Variants in MICALL1 observed in about 807,000 individuals in gnomAD.
MICALL1 encodes MICAL like 1.
In MICALL1, 61 loss-of-function variants were observed where a neutral mutation model predicts 83.7. That is an observed-to-expected ratio of 0.73 (90% CI 0.59 to 0.90). The LOEUF (loss-of-function observed/expected upper bound fraction) is 0.90. MICALL1 is among the 40% of genes least tolerant of loss of function. MICALL1 has a pLI of 0.00. For synonymous variants in MICALL1, 481 were observed against 473.6 expected (o/e 1.02, Z -0.20); for missense variants, 1,066 against 1,152.0 (o/e 0.93, Z 1.08).
At chr22:37,927,195 C>A in intron 8 of MICALL1, 1 of 545,522 alleles carries the variant, frequency 1.8e-6, no homozygotes, top group Non-Finnish European at 3.2e-6. Flanking sequence ...GCAGGCAGAA[C>A]GCAAGGCGGG....
intron 1 of MICALL1, among the ~76,000 whole-genome samples, chr22:37,911,591 A>G (rs528374497): frequency 6.6e-6 from 1 of 152,296 alleles, no homozygotes; most frequent in East Asian, 1.9e-4. Flanking sequence ...TGCGGGTCTT[A>G]GTTATGTCTT....
chr22:37,940,401 C>T (rs898292104), intron 15 of MICALL1, among the ~76,000 whole-genome samples: 4 of 151,744 alleles, frequency 2.6e-5, no homozygotes, highest in African/African-American at 4.8e-5. Context: ...CCAGCCTGGG[C>T]GACAAAGCGA....
rs746561776 is a variant in MICALL1, at chr22:37,940,770, G to T, written c.2532G>T (p.Met844Ile). The T allele has an allele frequency of 1.2e-6, 2 of 1,614,178 alleles. No homozygotes were observed. The highest frequency in any genetic ancestry group is 8.5e-7 in the Non-Finnish European group (1 of 1,180,010). ...AGGGGAAGTTCAAGACCATGAAGAT[G>T]TTGAAACTGCTAGGAAACAAACGTG... The part of the protein sequence containing the change: ...KKKGKFKTMK[M>I]LKLLGNKRDA... The change falls in exon 16 of 16, where the codon ATG becomes ATT. Residue 844 changes from methionine to isoleucine, a missense_variant. Coordinates refer to ENST00000215957, the MANE Select transcript of MICALL1 (RefSeq NM_033386.4).
At chr22:37,922,515 C>T (rs1929116529) in intron 6 of MICALL1, 89 bp downstream of exon 6, 5 of 1,003,800 alleles carry the variant, frequency 5.0e-6, no homozygotes, top group Non-Finnish European at 7.1e-6. Context: ...TTGGTGGGCC[C>T]CTCTCCATCT....
intron 8 of MICALL1, among the ~76,000 whole-genome samples, chr22:37,926,350 G>A (rs1049173453): frequency 1.2e-4 from 19 of 152,158 alleles, no homozygotes; most frequent in East Asian, 3.9e-4. Flanking sequence ...TGTCGTGCTC[G>A]TTAAACGTGC....
chr22:37,932,413 A>T lies in MICALL1; in HGVS notation c.2017-140A>T, dbSNP rs940992776. ...CCACACTGGCCCCTTCCCCACTGGG[A>T]CCCTGCCTTCTTACCATGCTGGGGT... On this transcript the variant is annotated intron_variant, in intron 10 of 15. Coordinates refer to ENST00000215957, the MANE Select transcript of MICALL1 (RefSeq NM_033386.4). The surrounding 1 kb of genome is among the most constrained non-coding windows in gnomAD (Gnocchi z 4.4). 6 of 1,370,864 alleles carry T rather than the reference A, an allele frequency of 4.4e-6. No homozygotes were observed. The East Asian group carries it at 9.3e-5, about 21-fold the overall frequency. 84.9% of individuals were successfully genotyped at this position (1,370,864 alleles called of 1,614,324 possible).
intron 1 of MICALL1, among the ~76,000 whole-genome samples, chr22:37,910,699 G>A (rs5995516): frequency 0.4 from 60,396 of 152,100 alleles, 12,227 homozygotes; most frequent in Middle Eastern, 0.41. Flanking sequence ...TCCTGCCCAG[G>A]GTTCACAGTC....
At chr22:37,912,517 C>T (rs372122392) in intron 3 of MICALL1, 25 bp downstream of exon 3, 143 of 1,570,134 alleles carry the variant, frequency 9.1e-5, no homozygotes, top group Non-Finnish European at 1.1e-4. Context: ...CAGCGTTTCA[C>T]GGAGGCTGGC....
intron 14 of MICALL1, 62 bp downstream of exon 14, chr22:37,937,256 T>A: frequency 2.6e-5 from 32 of 1,211,160 alleles, no homozygotes; most frequent in Non-Finnish European, 3.3e-5. Context: ...GCTCTGGGCC[T>A]CATGGGTGGG....
chr22:37,937,255 C>A, intron 14 of MICALL1, 61 bp downstream of exon 14: 7 of 1,306,240 alleles, frequency 5.4e-6, no homozygotes, highest in African/African-American at 2.9e-5. Flanking sequence ...GGCTCTGGGC[C>A]TCATGGGTGG....
At chr22:37,934,689 C>T (rs1445576361) in intron 13 of MICALL1, among the ~76,000 whole-genome samples, 6 of 150,878 alleles carry the variant, frequency 4.0e-5, no homozygotes, top group South Asian at 2.1e-4. Context: ...CTCTGCCTCC[C>T]GGGTTCACGC....
chr22:37,927,777 G>A lies in MICALL1; in HGVS notation c.1832G>A (p.Arg611Lys), dbSNP rs147326680. Reference protein sequence around the residue: ...TPTPLLLVGDRSPVPSPGSSS... With the variant: ...TPTPLLLVGDKSPVPSPGSSS... ...ACGCCTCTCTTGTTGGTTGGAGACA[G>A]GAGCCCGGTGCCTTCCCCTGGAAGC... Residue 611 changes from arginine to lysine, a missense_variant, in exon 9 of 16, where the codon AGG (arginine) becomes AAG (lysine). Coordinates refer to ENST00000215957, the MANE Select transcript of MICALL1 (RefSeq NM_033386.4). 4.0e-4 allele frequency: 640 copies of A among 1,613,134 alleles called. 1 individual carries two copies. The highest frequency in any genetic ancestry group is 7.7e-4 in the Admixed American group (46 of 59,994).
At chr22:37,915,331 CT>C (rs1226192541) in intron 3 of MICALL1, among the ~76,000 whole-genome samples, 1 of 152,208 alleles carries the variant, frequency 6.6e-6, no homozygotes, top group Non-Finnish European at 1.5e-5. Flanking sequence ...CCCCTTCCCC[CT>C]GATGTAACAC....
At chr22:37,920,303 C>T (rs991133697) in intron 5 of MICALL1, among the ~76,000 whole-genome samples, 3 of 151,948 alleles carry the variant, frequency 2.0e-5, no homozygotes, top group Non-Finnish European at 2.9e-5. Flanking sequence ...TCAAGGAAGC[C>T]GGGAGTGGCA....
chr22:37,940,460 A>G (rs1434557865), intron 15 of MICALL1, among the ~76,000 whole-genome samples: 1 of 151,918 alleles, frequency 6.6e-6, no homozygotes, highest in African/African-American at 2.4e-5. Flanking sequence ...GAGCTCTTAC[A>G]TGTGCTGACC....
intron 4 of MICALL1, among the ~76,000 whole-genome samples, chr22:37,918,108 C>A (rs911620485): frequency 5.3e-5 from 8 of 152,212 alleles, no homozygotes; most frequent in Non-Finnish European, 1.0e-4. Context: ...ACTTCACCAT[C>A]ATGGGACTGT....
At chr22:37,910,454 C>T (rs553550711) in intron 1 of MICALL1, among the ~76,000 whole-genome samples, 39 of 152,202 alleles carry the variant, frequency 2.6e-4, no homozygotes, top group African/African-American at 8.7e-4. Context: ...CGCCCTGTTG[C>T]AGTGTCCTGA....
At chr22:37,913,876 CTT>C (rs60697387) in intron 3 of MICALL1, among the ~76,000 whole-genome samples, 11 of 138,616 alleles carry the variant, frequency 7.9e-5, no homozygotes, top group Admixed American at 3.0e-4. Context: ...TGGCCCAACT[CTT>C]TTTTTTTTTT....
Position 37,927,438 on chromosome 22 carries a change from C to G in MICALL1, c.1493C>G (p.Ser498Trp). 3.1e-6 allele frequency: 5 copies of G among 1,592,824 alleles called. No homozygotes were observed. Among genetic ancestry groups the G allele is most frequent in the Non-Finnish European group, 4.3e-6 (5 of 1,167,428 alleles). Residue 498 changes from serine to tryptophan, a missense_variant, in exon 9 of 16, where the codon TCG (serine) becomes TGG (tryptophan). Physicochemically the swap from Ser to Trp is radical, Grantham distance 177 (BLOSUM62 -3). Transcript: ENST00000215957. ...LALHASRLSH[S>W]EPPSATPSPA... Reference sequence around the variant, plus strand: ...CTCCACGCCTCCCGCCTCTCGCACTCGGAGCCGCCCTCGGCCACACCATCG... The same window carrying G: ...CTCCACGCCTCCCGCCTCTCGCACTGGGAGCCGCCCTCGGCCACACCATCG...
Sources: allele counts gnomAD v4.1 joint callset (sites outside exome capture counted in the v4.1 genomes callset), GRCh38; gene constraint gnomAD v4.1.1; non-coding constraint Gnocchi (gnomAD v3.1); transcripts MANE v1.5; gene names NCBI Gene and HGNC (gene_info 2026-07-23, HGNC 2026-07-21).